The following MBD5 variants were observed in gnomAD, a reference collection of about 807,000 sequenced individuals.
The protein encoded by MBD5 is methyl-CpG binding domain protein 5.
A neutral mutation model predicts 117.3 loss-of-function variants in MBD5; 13 were observed. That is an observed-to-expected ratio of 0.11 (90% CI 0.07 to 0.18). The LOEUF (loss-of-function observed/expected upper bound fraction) is 0.18, where lower values mean the gene tolerates loss of function less well. Among genes scored for constraint, MBD5 ranks in the 10% least tolerant of loss-of-function variants. MBD5 has a pLI of 1.00. For missense variants in MBD5, 1,879 were observed against 2,093.8 expected (o/e 0.90, Z 2.00); for synonymous variants, 727 against 766.4 (o/e 0.95, Z 0.85).
intron 8 of MBD5, among the ~76,000 whole-genome samples, chr2:148,477,851 A>G (rs1681020873): frequency 6.6e-6 from 1 of 152,206 alleles, no homozygotes; most frequent in African/African-American, 2.4e-5. Context: ...TGAATTTTAT[A>G]GATAAAAATC....
intron 4 of MBD5, among the ~76,000 whole-genome samples, chr2:148,453,951 A>G (rs915799362): frequency 6.6e-6 from 1 of 152,120 alleles, no homozygotes; most frequent in African/African-American, 2.4e-5. Flanking sequence ...ATATAATTCT[A>G]TGTTAGCAAA....
At chr2:148,499,983 T>C (rs1010638643) in intron 11 of MBD5, among the ~76,000 whole-genome samples, 1 of 152,186 alleles carries the variant, frequency 6.6e-6, no homozygotes, top group African/African-American at 2.4e-5. Context: ...CACAGTGATA[T>C]ATATCTTACT....
intron 4 of MBD5, among the ~76,000 whole-genome samples, chr2:148,382,522 C>T (rs1475427029): frequency 6.6e-6 from 1 of 152,110 alleles, no homozygotes; most frequent in Non-Finnish European, 1.5e-5. Flanking sequence ...TTTAACACCC[C>T]ACTGTCAACA....
chr2:148,179,572 A>C (rs1387057332), intron 2 of MBD5, among the ~76,000 whole-genome samples: 1 of 152,156 alleles, frequency 6.6e-6, no homozygotes, highest in Non-Finnish European at 1.5e-5. Context: ...CCTGAATACA[A>C]ACCTCTTTTC....
At chr2:148,423,175 G>A (rs1038091028) in intron 4 of MBD5, among the ~76,000 whole-genome samples, 6 of 152,086 alleles carry the variant, frequency 3.9e-5, no homozygotes, top group Admixed American at 6.6e-5. Context: ...TAAGGGCAGC[G>A]AGAGAGAAGG....
Position 148,510,109 on chromosome 2 carries a change from A to G in MBD5, c.5086A>G (p.Ser1696Gly), listed in dbSNP as rs1337252057. 1.2e-6 allele frequency: 2 copies of G among 1,612,398 alleles called. No homozygotes were observed. Among genetic ancestry groups the G allele is most frequent in the Middle Eastern group, 3.4e-4 (2 of 5,930 alleles). ...AGAAGCTGCTATTCATGAGGCCATG[A>G]GTGAACTGGACAAAATGTCTGGGAC... ...HLEAAIHEAM[S>G]ELDKMSGTVH... Residue 1696 changes from serine (S) to glycine (G), a missense_variant, in exon 13 of 14, where the codon AGT becomes GGT. Physicochemically the swap from Ser to Gly is moderately conservative, Grantham distance 56 (BLOSUM62 0). Around this residue, in one of 4 missense-constraint regions of MBD5, gnomAD observed 135 missense variants for 148.0 expected, o/e 0.91. Coordinates refer to ENST00000642680, the MANE Select transcript of MBD5 (RefSeq NM_001378120.1).
intron 4 of MBD5, among the ~76,000 whole-genome samples, chr2:148,369,825 T>G (rs1003333555): frequency 6.6e-6 from 1 of 152,188 alleles, no homozygotes; most frequent in African/African-American, 2.4e-5. Context: ...CATGTTAAAT[T>G]CTTTATGTTA....
chr2:148,407,073 C>G (rs1479770412), intron 4 of MBD5, among the ~76,000 whole-genome samples: 1 of 152,118 alleles, frequency 6.6e-6, no homozygotes, highest in Non-Finnish European at 1.5e-5. Flanking sequence ...AGCATTATGT[C>G]TGATACATAA....
chr2:148,425,502 T>C (rs1438842213), intron 4 of MBD5, among the ~76,000 whole-genome samples: 4 of 150,558 alleles, frequency 2.7e-5, no homozygotes, highest in Middle Eastern at 3.4e-3. Context: ...TTCCAAACAA[T>C]AGAAAAAGAG....
In MBD5 at chr2:148,483,150, C is replaced by A. The variant is rs1681216580; in HGVS notation, c.2559C>A (p.Thr853=). Residue 853 remains threonine, a synonymous_variant, in exon 9 of 14, where the codon ACC becomes ACA. Coordinates refer to ENST00000642680, the MANE Select transcript of MBD5 (RefSeq NM_001378120.1). ...CATCCTCCATAGCCATAGCGGGCAC[C>A]AACCACCCTGCCATCACAAAGACAA... ...GPSSSIAIAG[T]NHPAITKTTS... 6.2e-7 allele frequency: 1 copy of A among 1,613,178 alleles called. No individual in the cohort carries two copies. The highest frequency in any genetic ancestry group is 8.5e-7 in the Non-Finnish European group (1 of 1,179,914).
Position 148,483,879 on chromosome 2 carries a change from G to A in MBD5, c.3288G>A (p.Ser1096=), listed in dbSNP as rs568615665. The A allele has an allele frequency of 3.1e-4, 484 of 1,550,496 alleles. No homozygotes were observed. The highest frequency in any genetic ancestry group is 8.6e-4 in the South Asian group (72 of 84,054). ...AGCTGTTGGGAGGTGTCCTGAACTC[G>A]GCATCGGCCAACACCGCTAATCATC... ...NPQLLGGVLN[S]ASANTANHPE... is the part of the protein sequence containing the mutation. Residue 1096 remains serine (S), a synonymous_variant, in exon 9 of 14, where the codon TCG becomes TCA. Transcript: ENST00000642680.
chr2:148,336,764 T>C (rs1033528656), intron 3 of MBD5, among the ~76,000 whole-genome samples: 1 of 152,176 alleles, frequency 6.6e-6, no homozygotes, highest in African/African-American at 2.4e-5. Context: ...CTTATGGGTT[T>C]GCATATTCTT....
intron 1 of MBD5, among the ~76,000 whole-genome samples, chr2:148,106,502 C>T (rs1696377003): frequency 6.6e-6 from 1 of 151,524 alleles, no homozygotes; most frequent in South Asian, 2.1e-4. Context: ...TTTAAAAATC[C>T]AACCTGACAA....
At chr2:148,326,387 TC>T (rs923036249) in intron 3 of MBD5, among the ~76,000 whole-genome samples, 2 of 152,172 alleles carry the variant, frequency 1.3e-5, no homozygotes, top group Admixed American at 1.3e-4. Context: ...TTCCTGGGTA[TC>T]CTTGTTGACT....
intron 1 of MBD5, among the ~76,000 whole-genome samples, chr2:148,043,424 G>C (rs1326341979): frequency 6.7e-6 from 1 of 150,360 alleles, no homozygotes; most frequent in Non-Finnish European, 1.5e-5. Flanking sequence ...CTGCACTCCT[G>C]TCTGGGCGAC....
intron 10 of MBD5, among the ~76,000 whole-genome samples, 174 bp from the exon 11 acceptor site, chr2:148,489,212 T>C (rs139493634): frequency 6.6e-6 from 1 of 152,254 alleles, no homozygotes; most frequent in Non-Finnish European, 1.5e-5. Context: ...AATCAAGACA[T>C]AAGCTTTCCT....
intron 1 of MBD5, among the ~76,000 whole-genome samples, chr2:148,148,225 C>T (rs1006764217): frequency 6.6e-6 from 1 of 152,140 alleles, no homozygotes; most frequent in Non-Finnish European, 1.5e-5. Flanking sequence ...CAAATGGTGA[C>T]TATTCTATGA....
At chr2:148,201,381 C>T (rs554407560) in intron 2 of MBD5, among the ~76,000 whole-genome samples, 6 of 152,294 alleles carry the variant, frequency 3.9e-5, no homozygotes, top group East Asian at 1.9e-4. Flanking sequence ...GGGGTACCCA[C>T]GACCCTGAAG....
chr2:148,505,832 T>C (rs544067502), intron 12 of MBD5, among the ~76,000 whole-genome samples: 25 of 152,222 alleles, frequency 1.6e-4, no homozygotes, highest in African/African-American at 5.8e-4. Context: ...AATTAAGAGG[T>C]TGGTTTTTCA....
Sources: gnomAD v4.1 joint callset for allele counts (sites outside exome capture counted in the v4.1 genomes callset) on GRCh38, gnomAD v4.1.1 for gene constraint, gnomAD v4.1.1 regional missense constraint, MANE v1.5 for transcripts, NCBI Gene and HGNC (gene_info 2026-07-23, HGNC 2026-07-21) for gene names.